PDE4B: variants seen among roughly 807,000 people sequenced by gnomAD.
PDE4B encodes phosphodiesterase 4B, also known as 3',5'-cyclic-AMP phosphodiesterase 4B.
A neutral mutation model predicts 82.2 loss-of-function variants in PDE4B; 20 were observed. The observed-to-expected ratio is 0.24, with a 90% CI of 0.17 to 0.35. The LOEUF (loss-of-function observed/expected upper bound fraction) is 0.35, where lower values mean the gene tolerates loss of function less well. Among genes scored for constraint, PDE4B ranks in the 10% least tolerant of loss-of-function variants. The pLI is 1.00. For missense variants in PDE4B, 655 were observed against 907.2 expected (o/e 0.72, Z 3.57); for synonymous variants, 320 against 318.9 (o/e 1.00, Z -0.04).
chr1:66,354,842 C>A (rs771209966), intron 8 of PDE4B: 2 of 1,535,610 alleles, frequency 1.3e-6, no homozygotes, highest in South Asian at 2.4e-5. Context: ...GGAGAGCATT[C>A]CAAAATGCCT....
intron 3 of PDE4B, among the ~76,000 whole-genome samples, chr1:66,156,213 C>G (rs1646497915): frequency 6.6e-6 from 1 of 152,092 alleles, no homozygotes; most frequent in South Asian, 2.1e-4. Context: ...GTGAAAGGAA[C>G]CTAAAAGGGT....
intron 3 of PDE4B, among the ~76,000 whole-genome samples, chr1:65,980,399 C>T (rs1014730666): frequency 6.6e-6 from 1 of 152,078 alleles, no homozygotes. Flanking sequence ...TCAGCTGTTG[C>T]TGTCACGATT....
intron 12 of PDE4B, among the ~76,000 whole-genome samples, chr1:66,364,654 T>A (rs1413052792): frequency 6.6e-6 from 1 of 152,168 alleles, no homozygotes; most frequent in East Asian, 1.9e-4. Context: ...ATCCAAGAAA[T>A]CTTGAGAAAG....
chr1:66,049,860 G>A (rs191388428), intron 3 of PDE4B, among the ~76,000 whole-genome samples: 4 of 152,048 alleles, frequency 2.6e-5, no homozygotes, highest in East Asian at 1.9e-4. Context: ...GTATAAATAC[G>A]AATTGGATCC....
At chr1:66,113,535 A>G (rs1645531546) in intron 3 of PDE4B, among the ~76,000 whole-genome samples, 1 of 152,164 alleles carries the variant, frequency 6.6e-6, no homozygotes, top group Non-Finnish European at 1.5e-5. Context: ...AGCTGCTCTA[A>G]GAGAGTGAAG....
At chr1:65,853,538 T>G (rs1412937449) in intron 1 of PDE4B, among the ~76,000 whole-genome samples, 2 of 152,028 alleles carry the variant, frequency 1.3e-5, no homozygotes, top group Non-Finnish European at 2.9e-5. Context: ...CCCTTTTTTT[T>G]TTTTATTTTT....
At chr1:66,102,867 T>C (rs1369062116) in intron 3 of PDE4B, among the ~76,000 whole-genome samples, 1 of 152,058 alleles carries the variant, frequency 6.6e-6, no homozygotes, top group Non-Finnish European at 1.5e-5. Context: ...AGGTTTCAAA[T>C]AGTTTAGTTA....
intron 3 of PDE4B, among the ~76,000 whole-genome samples, chr1:65,949,019 C>T (rs1484801970): frequency 1.3e-5 from 2 of 152,042 alleles, no homozygotes; most frequent in African/African-American, 4.8e-5. Flanking sequence ...GAGCCCTTTC[C>T]ATAAATTCTG....
At chr1:66,167,066 A>C (rs1395642120) in intron 3 of PDE4B, among the ~76,000 whole-genome samples, 3 of 152,202 alleles carry the variant, frequency 2.0e-5, no homozygotes, top group Non-Finnish European at 2.9e-5. Flanking sequence ...TGCTGGAGAG[A>C]ATGTAGGGAA....
intron 2 of PDE4B, among the ~76,000 whole-genome samples, chr1:65,913,858 A>G (rs1450798130): frequency 1.3e-5 from 2 of 152,148 alleles, no homozygotes; most frequent in Non-Finnish European, 2.9e-5. Flanking sequence ...TTGAGAATGC[A>G]GAATCTCAGG....
At chr1:66,047,459 C>A (rs1284368177) in intron 3 of PDE4B, among the ~76,000 whole-genome samples, 1 of 151,886 alleles carries the variant, frequency 6.6e-6, no homozygotes, top group East Asian at 1.9e-4. Flanking sequence ...AGTCCCTGTA[C>A]AACTGAGTCA....
intron 3 of PDE4B, among the ~76,000 whole-genome samples, chr1:66,131,875 C>A (rs1176159210): frequency 6.6e-6 from 1 of 151,736 alleles, no homozygotes; most frequent in Non-Finnish European, 1.5e-5. Flanking sequence ...TGTCAGCTGA[C>A]CTCTAAGCAG....
At chr1:65,931,309 T>A (rs1264767398) in intron 3 of PDE4B, among the ~76,000 whole-genome samples, 2 of 152,108 alleles carry the variant, frequency 1.3e-5, no homozygotes, top group East Asian at 3.9e-4. Flanking sequence ...CAGTCTTGGG[T>A]ATTCCTTTAT....
chr1:66,072,359 C>T (rs1054918739), intron 3 of PDE4B, among the ~76,000 whole-genome samples: 1 of 152,108 alleles, frequency 6.6e-6, no homozygotes, highest in Non-Finnish European at 1.5e-5. Context: ...CTTTCCTTCT[C>T]TTTTCTTAGT....
intron 3 of PDE4B, among the ~76,000 whole-genome samples, chr1:66,171,062 T>G (rs1646828019): frequency 6.6e-6 from 1 of 152,140 alleles, no homozygotes; most frequent in African/African-American, 2.4e-5. Flanking sequence ...GATGAGTAAA[T>G]CAGAAAAGCA....
intron 7 of PDE4B, among the ~76,000 whole-genome samples, chr1:66,295,383 T>A (rs1657432312): frequency 6.6e-6 from 1 of 152,182 alleles, no homozygotes; most frequent in Non-Finnish European, 1.5e-5. Context: ...TATATATGCT[T>A]TACTTGATAT....
intron 13 of PDE4B, 23 bp downstream of exon 13, chr1:66,365,789 C>G: frequency 7.6e-7 from 1 of 1,323,856 alleles, no homozygotes; most frequent in Non-Finnish European, 1.1e-6. Flanking sequence ...CTACAGCAGT[C>G]ATTCCAGATA....
intron 3 of PDE4B, among the ~76,000 whole-genome samples, chr1:66,034,353 ACTT>A (rs575858177): frequency 1.2e-4 from 18 of 152,248 alleles, no homozygotes; most frequent in South Asian, 2.1e-4. Flanking sequence ...TATGTAAGCC[ACTT>A]CTTCTTTGGA....
chr1:66,056,597 G>A (rs1296172786), intron 3 of PDE4B, among the ~76,000 whole-genome samples: 2 of 151,448 alleles, frequency 1.3e-5, no homozygotes, highest in African/African-American at 2.4e-5. Flanking sequence ...TGTGATTAAA[G>A]ATATGGAGCT....
Sources: gnomAD v4.1 joint callset for allele counts (sites outside exome capture counted in the v4.1 genomes callset) on GRCh38, gnomAD v4.1.1 for gene constraint, MANE v1.5 for transcripts, NCBI Gene and HGNC (gene_info 2026-07-23, HGNC 2026-07-21) for gene names.